Variants in MTCL1 observed in about 807,000 individuals in gnomAD.
The protein encoded by MTCL1 is microtubule cross-linking factor 1.
In MTCL1, 79 loss-of-function variants were observed where a neutral mutation model predicts 141.4. The ratio of observed to expected loss-of-function variants is 0.56; its 90% CI spans 0.47 to 0.67. The LOEUF (loss-of-function observed/expected upper bound fraction) is 0.67. Ranked by LOEUF, MTCL1 falls within the 30% of genes least tolerant of loss-of-function variation. The pLI is 0.00. For missense variants in MTCL1, 2,177 were observed against 2,113.9 expected, an observed-to-expected ratio of 1.03 and a Z score of -0.59; for synonymous variants, 914 against 875.8, an observed-to-expected ratio of 1.04 and a Z score of -0.77.
intron 4 of MTCL1, among the ~76,000 whole-genome samples, chr18:8,725,272 G>A (rs75677259): frequency 0.014 from 2,165 of 152,218 alleles, 16 homozygotes; most frequent in Non-Finnish European, 0.021. Context: ...GACTTCTTGC[G>A]GCTGCCTTTC....
At chr18:8,750,199 A>G (rs539697019) in intron 4 of MTCL1, among the ~76,000 whole-genome samples, 1 of 151,128 alleles carries the variant, frequency 6.6e-6, no homozygotes, top group Non-Finnish European at 1.5e-5. Flanking sequence ...GGCTCATGCC[A>G]CCACACTGGC....
exon 15 of MTCL1, chr18:8,825,721 A>T (rs2077000778): frequency 6.2e-7 from 1 of 1,614,002 alleles, no homozygotes; most frequent in Admixed American, 1.7e-5. Context: ...CCCAAAGCCG[A>T]CCAGCCAAAT....
intron 4 of MTCL1, among the ~76,000 whole-genome samples, chr18:8,732,753 G>C (rs1378740206): frequency 6.6e-6 from 1 of 152,172 alleles, no homozygotes; most frequent in African/African-American, 2.4e-5. Flanking sequence ...TGGACCCCAG[G>C]TGCTGGCAGG....
chr18:8,706,191 G>T (rs2096058016), exon 1 of MTCL1: 1 of 1,224,856 alleles, frequency 8.2e-7, no homozygotes, highest in African/African-American at 1.6e-5. Flanking sequence ...TCGGCCCCCC[G>T]ACCCCGGCCG....
intron 1 of MTCL1, among the ~76,000 whole-genome samples, chr18:8,708,190 C>T (rs2096068122): frequency 6.6e-6 from 1 of 152,154 alleles, no homozygotes; most frequent in African/African-American, 2.4e-5. Flanking sequence ...ATCCCTGGCT[C>T]TTAGCATAAC....
At chr18:8,719,496 C>T (rs72934263) in intron 3 of MTCL1, among the ~76,000 whole-genome samples, 63 of 152,292 alleles carry the variant, frequency 4.1e-4, no homozygotes, top group Non-Finnish European at 8.2e-4. Context: ...AAATGGTTTA[C>T]CACACCAGAG....
At chr18:8,785,105 G>C (rs1338899227) in intron 6 of MTCL1, among the ~76,000 whole-genome samples, 1 of 151,514 alleles carries the variant, frequency 6.6e-6, no homozygotes, top group Non-Finnish European at 1.5e-5. Context: ...CGCGGCTCAT[G>C]GTTTAGAGGC....
rs899125797 is a variant in MTCL1 at position 8,729,673 on chromosome 18, A to T, written c.357+9177A>T. The stretch of plus-strand genomic sequence containing the variant: ...CTCACTTTGGCTTCCCAAGAAGACA[A>T]ATATATATATATATATATATATATA... On this transcript the variant is annotated intron_variant, in intron 4 of 16. Coordinates refer to ENST00000359865, the Ensembl canonical transcript of MTCL1. Among the ~76,000 whole-genome samples, 34 of 131,524 alleles carry T rather than the reference A, an allele frequency of 2.6e-4. 1 individual carries two copies. The highest frequency in any genetic ancestry group is 9.0e-4 in the African/African-American group (33 of 36,854). 86.3% of individuals were successfully genotyped at this position (131,524 alleles called of 152,430 possible).
At chr18:8,756,521 A>G (rs1351535943) in intron 4 of MTCL1, among the ~76,000 whole-genome samples, 5 of 150,504 alleles carry the variant, frequency 3.3e-5, no homozygotes, top group African/African-American at 9.9e-5. Flanking sequence ...ATATGTGTGT[A>G]TATATGTGTG....
At chr18:8,752,136 A>G (rs1567978038) in intron 4 of MTCL1, among the ~76,000 whole-genome samples, 1 of 152,202 alleles carries the variant, frequency 6.6e-6, no homozygotes, top group Non-Finnish European at 1.5e-5. Flanking sequence ...AGAGATAGAG[A>G]TGGCTGATTT....
intron 4 of MTCL1, among the ~76,000 whole-genome samples, chr18:8,758,130 T>A (rs1386155343): frequency 6.6e-6 from 1 of 151,776 alleles, no homozygotes. Context: ...GTTCAAGCGA[T>A]TCTCTTGTCT....
At position 8,830,367 on chromosome 18, in the gene MTCL1, C is replaced by T. The variant is rs1356635002; in HGVS notation, c.*19-1240C>T. ...AGCATAGTCTCCAGGGCCACTGTTC[C>T]TTTTCTGCTGACCCCAGAGGGAGGC... On this transcript the variant is annotated intron_variant, in intron 16 of 16. Coordinates refer to ENST00000359865, the Ensembl canonical transcript of MTCL1. This position sits in a 1 kb window ranked among gnomAD's most constrained non-coding sequence, Gnocchi z 6.4. The T allele has an allele frequency of 2.0e-6, 2 of 985,572 alleles. No individual in the cohort carries two copies. The highest frequency in any genetic ancestry group is 2.4e-6 in the Non-Finnish European group (2 of 830,012). 61.1% of individuals were successfully genotyped at this position (985,572 alleles called of 1,614,324 possible).
At chr18:8,804,793 C>A (rs2076236341) in intron 10 of MTCL1, among the ~76,000 whole-genome samples, 1 of 152,128 alleles carries the variant, frequency 6.6e-6, no homozygotes, top group South Asian at 2.1e-4. Context: ...GAGTTTGAGA[C>A]CAGCCTGAGC....
chr18:8,769,437 G>C (rs1050053015), intron 4 of MTCL1, among the ~76,000 whole-genome samples: 2 of 152,128 alleles, frequency 1.3e-5, no homozygotes, highest in Non-Finnish European at 2.9e-5. Flanking sequence ...AGTTTATTTT[G>C]CAATGTTTGG....
intron 4 of MTCL1, among the ~76,000 whole-genome samples, chr18:8,758,587 AG>A (rs1389249190): frequency 2.6e-5 from 4 of 152,220 alleles, no homozygotes; most frequent in Non-Finnish European, 5.9e-5. Flanking sequence ...GATTCTAGGT[AG>A]GCTCCAGAAC....
Position 8,793,126 on chromosome 18 carries a change from T to C in MTCL1, c.2010+6T>C, listed in dbSNP as rs2075794207. 2.9e-5 allele frequency: 46 copies of C among 1,613,280 alleles called. No individual in the cohort carries two copies. Among genetic ancestry groups the C allele is most frequent in the Non-Finnish European group, 3.8e-5 (45 of 1,179,600 alleles). ...TTACAAACAAGATCCATAAGGTAAATATTTAACACGGACTCAGCACAACCG... is the reference window on the plus strand; with the variant it reads ...TTACAAACAAGATCCATAAGGTAAACATTTAACACGGACTCAGCACAACCG... On this transcript the variant is annotated splice_donor_region_variant and intron_variant, in intron 8 of 16. Transcript: ENST00000359865.
chr18:8,823,145 T>TA (rs539762257), intron 14 of MTCL1, among the ~76,000 whole-genome samples: 1 of 152,308 alleles, frequency 6.6e-6, no homozygotes, highest in African/African-American at 2.4e-5. Context: ...GTTTCCACCA[T>TA]ACTCTCTTCG....
chr18:8,729,673 A>AATATATATAT (rs3051533), intron 4 of MTCL1, among the ~76,000 whole-genome samples: 11 of 131,576 alleles, frequency 8.4e-5, no homozygotes, highest in Non-Finnish European at 1.2e-4. Flanking sequence ...CAAGAAGACA[A>AATATATATAT]ATATATATAT....
intron 9 of MTCL1, among the ~76,000 whole-genome samples, chr18:8,797,792 G>T (rs1014783356): frequency 6.6e-5 from 10 of 152,192 alleles, no homozygotes; most frequent in African/African-American, 2.4e-4. Flanking sequence ...CTGTTGATCA[G>T]TACTCTGGAG....
Sources: allele counts gnomAD v4.1 joint callset (sites outside exome capture counted in the v4.1 genomes callset), GRCh38; gene constraint gnomAD v4.1.1; non-coding constraint Gnocchi (gnomAD v3.1); transcripts MANE v1.5; gene names NCBI Gene and HGNC (gene_info 2026-07-23, HGNC 2026-07-21).